KCNH7: variants seen among roughly 807,000 people sequenced by gnomAD.
The protein encoded by KCNH7 is potassium voltage-gated channel subfamily H member 7, also known as voltage-gated inwardly rectifying potassium channel KCNH7.
In KCNH7, 49 loss-of-function variants were observed where a neutral mutation model predicts 120.8. That is an observed-to-expected ratio of 0.41 (90% CI 0.32 to 0.51). KCNH7 has a LOEUF of 0.51. Among genes scored for constraint, KCNH7 ranks in the 20% least tolerant of loss-of-function variants. The pLI, the probability that KCNH7 is intolerant of heterozygous loss-of-function variation, is 0.38. For synonymous variants in KCNH7, 547 were observed against 516.1 expected (o/e 1.06, Z -0.81); for missense variants, 1,097 against 1,446.6 (o/e 0.76, Z 3.92).
chr2:162,464,647 C>T (rs528805131), intron 6 of KCNH7, among the ~76,000 whole-genome samples: 2 of 152,134 alleles, frequency 1.3e-5, no homozygotes, highest in East Asian at 1.9e-4. Context: ...ACAGCTAAAA[C>T]TGCTGCATTT....
intron 2 of KCNH7, among the ~76,000 whole-genome samples, chr2:162,769,782 G>T (rs1036684765): frequency 1.3e-5 from 2 of 151,994 alleles, no homozygotes; most frequent in African/African-American, 4.8e-5. Flanking sequence ...GGGGTTAAAA[G>T]TTTTGAAGCA....
At chr2:162,432,793 C>T (rs1052403737) in intron 8 of KCNH7, among the ~76,000 whole-genome samples, 11 of 151,958 alleles carry the variant, frequency 7.2e-5, no homozygotes, top group Non-Finnish European at 1.3e-4. Flanking sequence ...CAACTTAGCA[C>T]TGGAAGTCCT....
chr2:162,485,785 C>A (rs1286815352), intron 6 of KCNH7, among the ~76,000 whole-genome samples: 1 of 152,108 alleles, frequency 6.6e-6, no homozygotes, highest in African/African-American at 2.4e-5. Context: ...TACCTGTGGG[C>A]ATAATTTACA....
chr2:162,434,422 G>C (rs1313834996), intron 8 of KCNH7, among the ~76,000 whole-genome samples: 1 of 152,010 alleles, frequency 6.6e-6, no homozygotes. Context: ...GTGAAAAAAT[G>C]AAAACAAAAA....
intron 2 of KCNH7, among the ~76,000 whole-genome samples, chr2:162,659,298 A>T (rs60406898): frequency 6.6e-6 from 1 of 150,910 alleles, no homozygotes; most frequent in Non-Finnish European, 1.5e-5. Context: ...GTAGCCTTGC[A>T]TATTGCATAC....
At chr2:162,660,248 T>A (rs745675808) in intron 2 of KCNH7, among the ~76,000 whole-genome samples, 1 of 152,174 alleles carries the variant, frequency 6.6e-6, no homozygotes, top group Non-Finnish European at 1.5e-5. Flanking sequence ...TCTTTTCTAA[T>A]ATAAGCATTC....
rs139366407 is a variant in KCNH7 at position 162,660,608 on chromosome 2, A to T, written c.308-123528T>A. ...GTTGTTGAATAAGTATTCTGTAGAC[A>T]TTAATTATATTCAATTGGTTGATGC... On this transcript the variant is annotated intron_variant, in intron 2 of 15. Transcript: ENST00000332142. Among the ~76,000 whole-genome samples, 664 of 152,308 alleles carry T rather than the reference A, an allele frequency of 4.4e-3. 2 individuals are homozygous for T. Among genetic ancestry groups the T allele is most frequent in the Admixed American group, 9.8e-3 (150 of 15,290 alleles).
At position 162,836,543 on chromosome 2, in the gene KCNH7, T is replaced by G; in HGVS notation, c.301A>C (p.Lys101Gln). 6.2e-7 allele frequency: 1 copy of G among 1,612,358 alleles called. No individual in the cohort carries two copies. The highest frequency in any genetic ancestry group is 8.5e-7 in the Non-Finnish European group (1 of 1,178,484). ...CTAAATAGAGGAATTTTACCATTTT[T>G]GTGATAGTAGGTGACCTCCACTTTC... ...ERKVEVTYYH[K>Q]NGSTFICNTH... The change falls in exon 2 of 16, where the codon AAA becomes CAA. Residue 101 changes from lysine (K) to glutamine (Q), a missense_variant. Physicochemically the swap from Lys to Gln is moderately conservative, Grantham distance 53. This residue lies in a region of KCNH7 where 362 missense variants were observed against 372.2 expected (regional missense o/e 0.97). Coordinates refer to ENST00000332142, the MANE Select transcript of KCNH7 (RefSeq NM_033272.4).
intron 6 of KCNH7, among the ~76,000 whole-genome samples, chr2:162,491,065 G>A (rs920838340): frequency 2.6e-5 from 4 of 152,134 alleles, no homozygotes; most frequent in East Asian, 3.9e-4. Flanking sequence ...GCTGCTTCCC[G>A]GGTACCAAGG....
intron 2 of KCNH7, among the ~76,000 whole-genome samples, chr2:162,834,808 A>C (rs1685598112): frequency 6.6e-6 from 1 of 152,176 alleles, no homozygotes; most frequent in African/African-American, 2.4e-5. Context: ...ACTCTGAAAG[A>C]TATACCTAGT....
intron 2 of KCNH7, among the ~76,000 whole-genome samples, chr2:162,816,957 C>T (rs531698262): frequency 2.0e-5 from 3 of 151,916 alleles, no homozygotes; most frequent in South Asian, 4.2e-4. Context: ...AAGTAAAAGC[C>T]CAGAATTTCA....
At chr2:162,559,078 C>CA (rs1270814815) in intron 2 of KCNH7, among the ~76,000 whole-genome samples, 9 of 127,158 alleles carry the variant, frequency 7.1e-5, no homozygotes, top group African/African-American at 2.4e-4. Flanking sequence ...AAAAAAAAAG[C>CA]AAAAAAACAA....
At chr2:162,744,321 T>C (rs1239508488) in intron 2 of KCNH7, among the ~76,000 whole-genome samples, 1 of 152,218 alleles carries the variant, frequency 6.6e-6, no homozygotes, top group East Asian at 1.9e-4. Context: ...ATGTTAATTT[T>C]TGATAATTTC....
chr2:162,584,879 C>T (rs1427784268), intron 2 of KCNH7, among the ~76,000 whole-genome samples: 97 of 145,644 alleles, frequency 6.7e-4, no homozygotes, highest in African/African-American at 2.4e-3. Context: ...GGGCAAGTCA[C>T]TTTCCCTGAT....
intron 2 of KCNH7, among the ~76,000 whole-genome samples, chr2:162,566,052 G>T (rs944669382): frequency 3.3e-5 from 5 of 151,836 alleles, no homozygotes; most frequent in Non-Finnish European, 1.5e-5. Flanking sequence ...TCATCTATCT[G>T]GGAACCATGA....
At chr2:162,763,214 C>T (rs1689025193) in intron 2 of KCNH7, among the ~76,000 whole-genome samples, 1 of 152,012 alleles carries the variant, frequency 6.6e-6, no homozygotes, top group South Asian at 2.1e-4. Context: ...AGACAGGAGC[C>T]ATGATTCATT....
At chr2:162,584,204 G>A (rs991208484) in intron 2 of KCNH7, among the ~76,000 whole-genome samples, 2 of 152,056 alleles carry the variant, frequency 1.3e-5, no homozygotes, top group East Asian at 3.9e-4. Flanking sequence ...AATACCATAT[G>A]CTGTTTGATG....
At chr2:162,620,792 G>T (rs1683326554) in intron 2 of KCNH7, among the ~76,000 whole-genome samples, 1 of 152,068 alleles carries the variant, frequency 6.6e-6, no homozygotes, top group Non-Finnish European at 1.5e-5. Context: ...TAGGTGCCAA[G>T]AAATCATAGA....
intron 9 of KCNH7, among the ~76,000 whole-genome samples, chr2:162,421,596 A>G (rs1034436570): frequency 6.6e-6 from 1 of 152,204 alleles, no homozygotes; most frequent in Non-Finnish European, 1.5e-5. Flanking sequence ...CACGATAATT[A>G]AATTGGATAT....
Sources: allele counts gnomAD v4.1 joint callset (sites outside exome capture counted in the v4.1 genomes callset), GRCh38; gene constraint gnomAD v4.1.1; regional missense constraint gnomAD v4.1.1; transcripts MANE v1.5; gene names NCBI Gene and HGNC (gene_info 2026-07-23, HGNC 2026-07-21).